The following LRRC4C variants were observed in gnomAD, a reference collection of about 807,000 sequenced individuals.
LRRC4C encodes leucine-rich repeat-containing protein 4C.
Under a neutral mutation model 33.6 loss-of-function variants are expected in LRRC4C, and 5 were observed. The observed-to-expected ratio is 0.15, with a 90% CI of 0.08 to 0.31. The LOEUF is 0.31. Ranked by LOEUF, LRRC4C falls within the 10% of genes least tolerant of loss-of-function variation. The pLI, the probability that LRRC4C is intolerant of heterozygous loss-of-function variation, is 1.00. For synonymous variants in LRRC4C, 329 were observed against 302.0 expected, an observed-to-expected ratio of 1.09 and a Z score of -0.93; for missense variants, 560 against 796.7, an observed-to-expected ratio of 0.70 and a Z score of 3.58.
rs949861062 is a variant in LRRC4C at position 40,638,787 on chromosome 11, T to A, written c.-270+9355A>T. 1.4e-3 allele frequency among the ~76,000 whole-genome samples: 205 copies of A among 149,376 alleles called. 2 individuals are homozygous for A. The highest frequency in any genetic ancestry group is 3.2e-3 in the African/African-American group (128 of 39,758). On this transcript the variant is annotated intron_variant, in intron 3 of 6. Coordinates refer to ENST00000528697, the MANE Select transcript of LRRC4C (RefSeq NM_001258419.2). ...TTGGTCGAGTTTTTTTTTTTTTTTTTAATTATTTGATGCACTACATTTCTT... is the reference window on the plus strand; with the variant it reads ...TTGGTCGAGTTTTTTTTTTTTTTTTAAATTATTTGATGCACTACATTTCTT...
At chr11:40,876,339 C>A (rs1954890482) in intron 2 of LRRC4C, among the ~76,000 whole-genome samples, 1 of 147,310 alleles carries the variant, frequency 6.8e-6, no homozygotes, top group Admixed American at 7.0e-5. Context: ...CATGCACCAG[C>A]TAAGAGAAAG....
chr11:40,775,443 T>C (rs1210027250), intron 2 of LRRC4C, among the ~76,000 whole-genome samples: 1 of 152,044 alleles, frequency 6.6e-6, no homozygotes. Context: ...TATTTTTGAC[T>C]TGAGGACATA....
intron 1 of LRRC4C, among the ~76,000 whole-genome samples, chr11:41,275,525 G>A (rs1267553017): frequency 6.6e-6 from 1 of 152,128 alleles, no homozygotes; most frequent in Non-Finnish European, 1.5e-5. Context: ...TAATTACCCT[G>A]CCTTGCTCAG....
chr11:40,956,089 G>A (rs977134056), intron 1 of LRRC4C, among the ~76,000 whole-genome samples: 4 of 151,742 alleles, frequency 2.6e-5, no homozygotes, highest in Non-Finnish European at 4.4e-5. Context: ...ATGAGAAAGC[G>A]AGGTTGAGGG....
intron 3 of LRRC4C, among the ~76,000 whole-genome samples, chr11:40,579,559 T>C (rs982459655): frequency 6.6e-6 from 1 of 152,222 alleles, no homozygotes; most frequent in Admixed American, 6.5e-5. Context: ...AGTAAATTCC[T>C]AGAGCTTTGC....
intron 1 of LRRC4C, among the ~76,000 whole-genome samples, chr11:41,355,749 G>T (rs1952139031): frequency 6.6e-6 from 1 of 151,892 alleles, no homozygotes; most frequent in Non-Finnish European, 1.5e-5. Context: ...GGGATAAAAT[G>T]GTTAAATATT....
At chr11:40,971,650 G>A (rs968037329) in intron 1 of LRRC4C, among the ~76,000 whole-genome samples, 16 of 152,072 alleles carry the variant, frequency 1.1e-4, no homozygotes, top group African/African-American at 3.6e-4. Flanking sequence ...GTGAGAATAC[G>A]GCCATCACCC....
chr11:40,930,712 T>A (rs1957582934), intron 2 of LRRC4C, among the ~76,000 whole-genome samples: 1 of 152,186 alleles, frequency 6.6e-6, no homozygotes, highest in Non-Finnish European at 1.5e-5. Flanking sequence ...GTTTTGATTT[T>A]ACAAATGCCC....
intron 2 of LRRC4C, among the ~76,000 whole-genome samples, chr11:40,780,456 G>A (rs1446870604): frequency 2.0e-5 from 3 of 152,100 alleles, no homozygotes; most frequent in Non-Finnish European, 4.4e-5. Flanking sequence ...CTTGAGAAAG[G>A]TAAGAAATGT....
intron 3 of LRRC4C, among the ~76,000 whole-genome samples, chr11:40,381,586 A>T (rs1004803705): frequency 6.6e-6 from 1 of 152,156 alleles, no homozygotes; most frequent in African/African-American, 2.4e-5. Flanking sequence ...CAGTCTTCAC[A>T]AGCATAAACT....
At chr11:40,151,683 A>G (rs1048541023) in intron 5 of LRRC4C, among the ~76,000 whole-genome samples, 2 of 152,166 alleles carry the variant, frequency 1.3e-5, no homozygotes, top group African/African-American at 4.8e-5. Context: ...ATGAAGGCCA[A>G]ATTTTCATAT....
At chr11:41,375,347 C>T (rs1188134474) in intron 1 of LRRC4C, among the ~76,000 whole-genome samples, 1 of 152,040 alleles carries the variant, frequency 6.6e-6, no homozygotes, top group African/African-American at 2.4e-5. Context: ...TCCGTTGATG[C>T]TTAAGGCAGA....
At chr11:41,097,449 C>T (rs1171575513) in intron 1 of LRRC4C, among the ~76,000 whole-genome samples, 2 of 152,060 alleles carry the variant, frequency 1.3e-5, no homozygotes, top group Non-Finnish European at 2.9e-5. Flanking sequence ...GACATTTGAA[C>T]ACCACCCTAG....
chr11:40,617,299 T>C (rs1448402298), intron 3 of LRRC4C, among the ~76,000 whole-genome samples: 1 of 151,762 alleles, frequency 6.6e-6, no homozygotes, highest in East Asian at 1.9e-4. Flanking sequence ...AAAACACTTG[T>C]ATAAAGGAGG....
At chr11:40,985,220 C>CT (rs1343366974) in intron 1 of LRRC4C, among the ~76,000 whole-genome samples, 1 of 151,984 alleles carries the variant, frequency 6.6e-6, no homozygotes, top group Admixed American at 6.6e-5. Context: ...GAGATACATG[C>CT]TTTTTTCCTC....
At chr11:40,960,536 C>T (rs1037817558) in intron 1 of LRRC4C, among the ~76,000 whole-genome samples, 1 of 151,692 alleles carries the variant, frequency 6.6e-6, no homozygotes, top group African/African-American at 2.4e-5. Context: ...CATAGTGTGA[C>T]CTCTGCATAC....
chr11:41,240,748 G>A (rs1948218172), intron 1 of LRRC4C, among the ~76,000 whole-genome samples: 1 of 152,128 alleles, frequency 6.6e-6, no homozygotes, highest in South Asian at 2.1e-4. Flanking sequence ...AAAGGATAAG[G>A]AATTAGTAGG....
At chr11:40,720,222 A>G (rs2136672708) in intron 2 of LRRC4C, among the ~76,000 whole-genome samples, 1 of 152,312 alleles carries the variant, frequency 6.6e-6, no homozygotes, top group Non-Finnish European at 1.5e-5. Flanking sequence ...TACAAAGCTC[A>G]GGCTCTCTTC....
intron 1 of LRRC4C, among the ~76,000 whole-genome samples, chr11:41,302,709 T>G (rs1950319841): frequency 6.6e-6 from 1 of 152,234 alleles, no homozygotes; most frequent in South Asian, 2.1e-4. Context: ...CTTAAAAGTC[T>G]TCAACAGTTC....
Sources: allele counts gnomAD v4.1 joint callset (sites outside exome capture counted in the v4.1 genomes callset), GRCh38; gene constraint gnomAD v4.1.1; transcripts MANE v1.5; gene names NCBI Gene and HGNC (gene_info 2026-07-23, HGNC 2026-07-21).